ENTPD5: variants seen among roughly 807,000 people sequenced by gnomAD.
ENTPD5 encodes the protein ectonucleoside triphosphate diphosphohydrolase 5 (inactive), also known as nucleoside diphosphate phosphatase ENTPD5.
ENTPD5 carries 49 observed loss-of-function variants against 60.2 expected under a neutral mutation model. The observed-to-expected ratio is 0.81, with a 90% CI of 0.65 to 1.03. ENTPD5 has a LOEUF of 1.03. ENTPD5 is among the 50% of genes least tolerant of loss of function. The pLI is 0.00. For synonymous variants in ENTPD5, 187 were observed against 185.4 expected (o/e 1.01, Z -0.07); for missense variants, 480 against 507.6 (o/e 0.95, Z 0.52).
At position 73,971,924 on chromosome 14, in the gene ENTPD5, A is replaced by G. The variant is rs1416412082; in HGVS notation, c.1028-16T>C. ...TTTTCATAATCTGAAATAAAACAGA[A>G]GATTATCTGATATCAAAACGCCTTC... On this transcript the variant is annotated splice_polypyrimidine_tract_variant and intron_variant, in intron 13 of 15. Transcript: ENST00000334696. 2 of 1,487,802 alleles carry G rather than the reference A, an allele frequency of 1.3e-6. No homozygotes were observed. The highest frequency in any genetic ancestry group is 3.3e-5 in the Admixed American group (2 of 59,724). 92.2% of individuals were successfully genotyped at this position (1,487,802 alleles called of 1,614,324 possible). A position where few individuals can be genotyped will look rare whatever the true frequency, so the allele number is the denominator to read the frequency against.
chr14:74,014,458 G>C (rs1166746559), intron 2 of ENTPD5, among the ~76,000 whole-genome samples: 1 of 151,978 alleles, frequency 6.6e-6, no homozygotes, highest in Non-Finnish European at 1.5e-5. Context: ...GACTGACATG[G>C]GAGAATTGCT....
chr14:73,988,750 A>G (rs2058010265), intron 3 of ENTPD5, among the ~76,000 whole-genome samples: 1 of 152,146 alleles, frequency 6.6e-6, no homozygotes, highest in African/African-American at 2.4e-5. Flanking sequence ...TAGCTCCCAT[A>G]TATGAGTGAG....
chr14:73,985,879 C>G (rs1459032481), intron 5 of ENTPD5, among the ~76,000 whole-genome samples: 1 of 151,972 alleles, frequency 6.6e-6, no homozygotes, highest in African/African-American at 2.4e-5. Flanking sequence ...CAAGACCAGC[C>G]TGGCCATCAT....
At chr14:73,967,796 T>C (rs2057043896) in intron 15 of ENTPD5, among the ~76,000 whole-genome samples, 1 of 58,112 alleles carries the variant, frequency 1.7e-5, no homozygotes, top group East Asian at 4.7e-4. Context: ...CAAGACCCTG[T>C]CTCAAAAAAA....
chr14:73,996,237 A>C (rs2058339596), intron 3 of ENTPD5: 1 of 980,596 alleles, frequency 1.0e-6, no homozygotes. Context: ...CCAGTTTGCA[A>C]CTAACAGTGT....
chr14:73,978,132 A>C (rs1285155676), intron 6 of ENTPD5, among the ~76,000 whole-genome samples: 1 of 152,164 alleles, frequency 6.6e-6, no homozygotes, highest in Non-Finnish European at 1.5e-5. Context: ...AAAACCAGTT[A>C]AGTTATATAT....
intron 15 of ENTPD5, among the ~76,000 whole-genome samples, chr14:73,969,010 C>T (rs1012190167): frequency 1.3e-5 from 2 of 152,226 alleles, no homozygotes; most frequent in Admixed American, 6.5e-5. Context: ...ATGAGGCATT[C>T]AGTGTTCATG....
chr14:73,973,974 A>T lies in ENTPD5; in HGVS notation c.789T>A (p.Thr263=). 1.2e-6 allele frequency: 2 copies of T among 1,613,990 alleles called. No homozygotes were observed. Among genetic ancestry groups the T allele is most frequent in the South Asian group, 2.2e-5 (2 of 91,080 alleles). The change falls in exon 12 of 16, where the codon ACT becomes ACA. Residue 263 remains threonine (T), a synonymous_variant. Coordinates refer to ENST00000334696, the MANE Select transcript of ENTPD5 (RefSeq NM_001249.5). The part of the protein sequence containing the change: ...ATLGALETEG[T]DGHTFRSACL... ...AGGCACTCCGGAAAGTGTGCCCATC[A>T]GTCCCTGAAAGAATCCAGGGCACAA...
In ENTPD5 at chr14:74,014,385, C is replaced by G. The variant is rs528458815; in HGVS notation, c.-131+1439G>C. Among the ~76,000 whole-genome samples the G allele has an allele frequency of 1.1e-4, 17 of 148,298 alleles. No homozygotes were observed. In the South Asian group the frequency reaches 3.2e-3, roughly 28 times the overall value. ...GAGTGAGATCCAGTCTTTACTCCCC[C>G]CCCCCACAAAAAAAAGTTAGCTGGG... is the stretch of plus-strand genomic sequence containing the variant. On this transcript the variant is annotated intron_variant, in intron 2 of 15. Coordinates refer to ENST00000334696, the MANE Select transcript of ENTPD5 (RefSeq NM_001249.5).
chr14:73,998,766 A>G (rs2058415510), intron 3 of ENTPD5, among the ~76,000 whole-genome samples: 1 of 152,156 alleles, frequency 6.6e-6, no homozygotes, highest in African/African-American at 2.4e-5. Context: ...TTTCAGGAAT[A>G]AAACCATGAA....
At chr14:73,968,492 C>A (rs1238677437) in intron 15 of ENTPD5, among the ~76,000 whole-genome samples, 5 of 148,684 alleles carry the variant, frequency 3.4e-5, no homozygotes, top group African/African-American at 1.2e-4. Context: ...ATGGTATGAT[C>A]TCTCCTCATT....
chr14:73,996,205 A>G, intron 3 of ENTPD5: 1 of 985,340 alleles, frequency 1.0e-6, no homozygotes, highest in Non-Finnish European at 1.2e-6. Flanking sequence ...AGCGAGCCTC[A>G]TGAACCGCAT....
At position 73,989,832 on chromosome 14, in the gene ENTPD5, C is replaced by CAAAAAA. The variant is rs57558687; in HGVS notation, c.-70-1666_-70-1661dup. On this transcript the variant is annotated intron_variant, in intron 3 of 15. Transcript: ENST00000334696. ...TGGGCGACACAGCAAGACTCAGTCTCAAAAAAAAAAAAAAAAAAAAAAAAA... is the reference window on the plus strand; with the variant it reads ...TGGGCGACACAGCAAGACTCAGTCTCAAAAAAAAAAAAAAAAAAAAAAAAAAAAAAA... Among the ~76,000 whole-genome samples, 133 of 52,332 alleles carry CAAAAAA rather than the reference C, an allele frequency of 2.5e-3. 3 individuals carry two copies. The highest frequency in any genetic ancestry group is 0.011 in the African/African-American group (124 of 11,736). The allele number at this position is 52,332 out of a possible 152,430, so 34.3% of individuals were successfully genotyped here.
At chr14:73,992,984 T>G (rs542785178) in intron 3 of ENTPD5, among the ~76,000 whole-genome samples, 94 of 152,078 alleles carry the variant, frequency 6.2e-4, no homozygotes, top group Non-Finnish European at 9.1e-4. Flanking sequence ...GCATGAGAGA[T>G]AGAGTGAGAT....
chr14:73,959,929 G>T, downstream of ENTPD5: 1 of 1,160,368 alleles, frequency 8.6e-7, no homozygotes, highest in South Asian at 2.0e-5. Flanking sequence ...TTTCTACTTT[G>T]TAACTATAAT....
chr14:73,985,160 G>A lies in ENTPD5; in HGVS notation c.297+1654C>T, dbSNP rs146214904. ...CTATCATTGATGGACATTTGGGTTC[G>A]TTCCAAGTCTTTGATATTGTGAATG... On this transcript the variant is annotated intron_variant, in intron 5 of 15. Coordinates refer to ENST00000334696, the MANE Select transcript of ENTPD5 (RefSeq NM_001249.5). Among the ~76,000 whole-genome samples, 1,040 of 152,172 alleles carry A rather than the reference G, an allele frequency of 6.8e-3. 4 individuals carry two copies. The highest frequency in any genetic ancestry group is 0.012 in the Non-Finnish European group (812 of 68,004).
At chr14:73,993,935 C>A (rs2108711) in intron 3 of ENTPD5, among the ~76,000 whole-genome samples, 3,299 of 57,480 alleles carry the variant, frequency 0.057, 134 homozygotes, top group African/African-American at 0.12. Flanking sequence ...CAAAAAAAAA[C>A]AAACAAAAAA....
intron 3 of ENTPD5, among the ~76,000 whole-genome samples, chr14:74,006,455 T>C (rs2058682095): frequency 6.6e-6 from 1 of 151,972 alleles, no homozygotes; most frequent in Non-Finnish European, 1.5e-5. Flanking sequence ...GGCTAATTTT[T>C]TGTATTTTTA....
rs532880305 is a variant in ENTPD5, at chr14:73,976,358, G to C, written c.608C>G (p.Ala203Gly). Residue 203 changes from alanine to glycine, a missense_variant, in exon 9 of 16, where the codon GCC becomes GGC. Ala to Gly is a moderately conservative substitution (Grantham distance 60, BLOSUM62 0). Transcript: ENST00000334696. ...GGGCAGGAACGTGATTTGGGTGGAG[G>C]CTCCCCCTAGGTCCAAGGTCCCCAC... Reference protein sequence around the residue: ...ETVGTLDLGGASTQITFLPQF... With the variant: ...ETVGTLDLGGGSTQITFLPQF... 1 of 1,614,112 alleles carries C rather than the reference G, an allele frequency of 6.2e-7. No individual in the cohort carries two copies. The highest frequency in any genetic ancestry group is 1.7e-5 in the Admixed American group (1 of 60,016).
Sources: gnomAD v4.1 joint callset for allele counts (sites outside exome capture counted in the v4.1 genomes callset) on GRCh38, gnomAD v4.1.1 for gene constraint, MANE v1.5 for transcripts, NCBI Gene and HGNC (gene_info 2026-07-23, HGNC 2026-07-21) for gene names.